The following INO80C variants were observed in gnomAD, a reference collection of about 807,000 sequenced individuals.
INO80C encodes the protein IES6 homolog.
A neutral mutation model predicts 17.7 loss-of-function variants in INO80C; 17 were observed. The observed-to-expected ratio is 0.96, with a 90% confidence interval of 0.66 to 1.44. The LOEUF is 1.44. Ranked by LOEUF, INO80C falls within the 40% of genes most tolerant of loss-of-function variation. The pLI is 0.00. For synonymous variants in INO80C, 96 were observed against 95.8 expected, an observed-to-expected ratio of 1.00 and a Z score of -0.01; for missense variants, 244 against 245.0, an observed-to-expected ratio of 1.00 and a Z score of 0.03.
At chr18:35,495,776 G>C (rs118144332) in intron 1 of INO80C, among the ~76,000 whole-genome samples, 1 of 152,238 alleles carries the variant, frequency 6.6e-6, no homozygotes, top group Non-Finnish European at 1.5e-5. Context: ...TCTGGCAAAG[G>C]AGTCTAATCA....
At chr18:35,484,573 C>G (rs1041964778) in intron 1 of INO80C, among the ~76,000 whole-genome samples, 1 of 152,218 alleles carries the variant, frequency 6.6e-6, no homozygotes, top group Non-Finnish European at 1.5e-5. Context: ...TGTCATTATT[C>G]CCTAAACTGT....
intron 4 of INO80C, among the ~76,000 whole-genome samples, chr18:35,474,626 G>A (rs2045713190): frequency 6.6e-6 from 1 of 152,212 alleles, no homozygotes; most frequent in Admixed American, 6.5e-5. Flanking sequence ...GTTTGAGGCT[G>A]TAGTGAGCTG....
At chr18:35,481,814 G>A (rs1055684212) in intron 1 of INO80C, among the ~76,000 whole-genome samples, 1 of 152,134 alleles carries the variant, frequency 6.6e-6, no homozygotes, top group Admixed American at 6.6e-5. Context: ...AACCTGGGAG[G>A]CGGAGGCTGC....
chr18:35,472,651 T>TC (rs1426981653), intron 4 of INO80C, among the ~76,000 whole-genome samples: 1 of 152,092 alleles, frequency 6.6e-6, no homozygotes, highest in Non-Finnish European at 1.5e-5. Context: ...TTCTTTTTTT[T>TC]AATCTCAACA....
chr18:35,476,366 G>A (rs1432062245), intron 4 of INO80C, among the ~76,000 whole-genome samples: 1 of 152,178 alleles, frequency 6.6e-6, no homozygotes, highest in African/African-American at 2.4e-5. Context: ...AAGGAAATGT[G>A]AATAAATTAT....
intron 1 of INO80C, chr18:35,497,417 C>T: frequency 1.7e-6 from 2 of 1,146,116 alleles, no homozygotes; most frequent in Non-Finnish European, 2.2e-6. Flanking sequence ...ATGACTGACA[C>T]TCATTAGTCC....
In INO80C at chr18:35,497,748, T is replaced by A. The variant is rs1397713079; in HGVS notation, c.127A>T (p.Lys43Ter). ...GCAAAGCTGGAAGCGGACGCTTTTT[T>A]CTTCTTACTGGCGCCATAGCCCCCG... ...SGGGYGASKK[K>*]KASASSFAQG... Residue 43 changes from lysine (K) to a stop codon, truncating the protein, a stop_gained, in exon 1 of 5, where the codon AAA becomes TAA. Transcript: ENST00000334598. LOFTEE classifies it high-confidence loss of function. The A allele has an allele frequency of 1.2e-6, 2 of 1,613,002 alleles. No homozygotes were observed. The highest frequency in any genetic ancestry group is 2.2e-5 in the East Asian group (1 of 44,680).
intron 1 of INO80C, among the ~76,000 whole-genome samples, chr18:35,491,744 T>C (rs2045935087): frequency 6.6e-6 from 1 of 152,158 alleles, no homozygotes; most frequent in Admixed American, 6.5e-5. Context: ...TAAGATAAAA[T>C]TAAAATGATG....
intron 1 of INO80C, chr18:35,487,487 G>C (rs2045888828): frequency 4.2e-6 from 1 of 236,054 alleles, no homozygotes; most frequent in South Asian, 3.7e-5. Context: ...AGTGAAAGGG[G>C]TTTCCCCTTA....
At chr18:35,487,869 G>A (rs1004826745) in intron 1 of INO80C, 3 of 152,168 alleles carry the variant, frequency 2.0e-5, no homozygotes, top group African/African-American at 7.2e-5. Context: ...TACAATGAGG[G>A]TACAGGCATT....
intron 1 of INO80C, among the ~76,000 whole-genome samples, chr18:35,489,557 A>T (rs1253973263): frequency 6.6e-6 from 1 of 152,142 alleles, no homozygotes; most frequent in Non-Finnish European, 1.5e-5. Context: ...CATGGGAATT[A>T]TGGGAGCTAC....
At chr18:35,478,918 G>C (rs1323388885) in intron 3 of INO80C, 1 of 190,558 alleles carries the variant, frequency 5.2e-6, no homozygotes, top group Non-Finnish European at 1.1e-5. Flanking sequence ...GGCTCACAAA[G>C]TATAAAAGAG....
intron 1 of INO80C, among the ~76,000 whole-genome samples, chr18:35,495,418 A>G (rs1169242071): frequency 6.6e-6 from 1 of 152,214 alleles, no homozygotes; most frequent in Non-Finnish European, 1.5e-5. Flanking sequence ...TGTCTTCTTT[A>G]GTAAATATCA....
Position 35,478,351 on chromosome 18 carries a change from TGG to T in INO80C, c.380-4_380-3del. ...ATGGAGGAGCATCAATACTGAAGTCTGGGAAAAAAAAAAAAAAAAGATAACTA... is the reference window on the plus strand; with the variant it reads ...ATGGAGGAGCATCAATACTGAAGTCTGAAAAAAAAAAAAAAAAGATAACTA... On this transcript the variant is annotated splice_region_variant and splice_polypyrimidine_tract_variant and intron_variant, in intron 3 of 4. Transcript: ENST00000334598. 1 of 1,494,950 alleles carries T rather than the reference TGG, an allele frequency of 6.7e-7. No individual in the cohort carries two copies. Among genetic ancestry groups the T allele is most frequent in the Non-Finnish European group, 9.0e-7 (1 of 1,116,752 alleles). 92.6% of individuals were successfully genotyped at this position (1,494,950 alleles called of 1,614,324 possible). A position where few individuals can be genotyped will look rare whatever the true frequency, so the allele number is the denominator to read the frequency against.
At chr18:35,472,450 GT>G (rs2045682263) in intron 4 of INO80C, among the ~76,000 whole-genome samples, 1 of 152,098 alleles carries the variant, frequency 6.6e-6, no homozygotes, top group Admixed American at 6.6e-5. Flanking sequence ...TGATGGGGTT[GT>G]TTTTTTCTTG....
Position 35,497,787 on chromosome 18 carries a change from T to C in INO80C, c.88A>G (p.Asn30Asp), listed in dbSNP as rs1347382471. The C allele has an allele frequency of 1.2e-6, 2 of 1,613,332 alleles. No homozygotes were observed. Among genetic ancestry groups the C allele is most frequent in the Non-Finnish European group, 1.7e-6 (2 of 1,179,626 alleles). The change falls in exon 1 of 5, where the codon AAT becomes GAT. Residue 30 changes from asparagine (N) to aspartate (D), a missense_variant. Physicochemically the swap from Asn to Asp is conservative, Grantham distance 23. Transcript: ENST00000334598. ...SKKRPASPSH[N>D]GSSGGGYGAS... ...CCATAGCCCCCGCCGCTGCTGCCAT[T>C]GTGGGAAGGGCTGGCCGGCCTCTTC...
chr18:35,491,368 C>T lies in INO80C; in HGVS notation c.156+6351G>A, dbSNP rs192053178. Among the ~76,000 whole-genome samples, 12 of 152,302 alleles carry T rather than the reference C, an allele frequency of 7.9e-5. No individual in the cohort carries two copies. The East Asian group carries it at 9.7e-4, about 12-fold the overall frequency. On this transcript the variant is annotated intron_variant, in intron 1 of 4. Coordinates refer to ENST00000334598, the MANE Select transcript of INO80C (RefSeq NM_194281.4). ...TCAAGAAGAGGATGAAAATGACACA[C>T]GGAAGCACTGGTTTTTGAAAGGGAC...
chr18:35,486,855 G>C (rs62100505), intron 1 of INO80C, among the ~76,000 whole-genome samples: 10,823 of 149,468 alleles, frequency 0.072, 512 homozygotes, highest in South Asian at 0.14. Context: ...AGAGAAAGCT[G>C]TTGCTCACAA....
At chr18:35,472,518 G>A (rs904010719) in intron 4 of INO80C, among the ~76,000 whole-genome samples, 1 of 152,098 alleles carries the variant, frequency 6.6e-6, no homozygotes, top group African/African-American at 2.4e-5. Flanking sequence ...CAGATGAGTA[G>A]GTTGAGAAAA....
Sources: allele counts gnomAD v4.1 joint callset (sites outside exome capture counted in the v4.1 genomes callset), GRCh38; gene constraint gnomAD v4.1.1; transcripts MANE v1.5; gene names NCBI Gene and HGNC (gene_info 2026-07-23, HGNC 2026-07-21).